The following RANBP2 variants were observed in gnomAD, a reference collection of about 807,000 sequenced individuals.
RANBP2 encodes E3 SUMO-protein ligase RanBP2.
Under a neutral mutation model 303.6 loss-of-function variants are expected in RANBP2, and 57 were observed. That is an observed-to-expected ratio of 0.19 (90% confidence interval 0.15 to 0.23). RANBP2 has a LOEUF of 0.23. RANBP2 is among the 10% of genes least tolerant of loss of function. RANBP2 has a pLI of 1.00. For synonymous variants in RANBP2, 1,167 were observed against 1,301.5 expected (o/e 0.90, Z 2.23); for missense variants, 3,138 against 3,780.8 (o/e 0.83, Z 4.46).
Position 108,764,349 on chromosome 2 carries a change from T to C in RANBP2, c.3810T>C (p.Asp1270=), listed in dbSNP as rs564782813. The change falls in exon 20 of 29, where the codon GAT becomes GAC. Residue 1270 remains aspartate, a synonymous_variant. Coordinates refer to ENST00000283195, the MANE Select transcript of RANBP2 (RefSeq NM_006267.5). The part of the protein sequence containing the change: ...SDRSFVWHAL[D]YADELPKPEQ... The stretch of plus-strand genomic sequence containing the variant: ...GATCTTTTGTATGGCATGCCCTTGA[T>C]TATGCAGATGAGTTGCCAAAACCAG... 10 of 1,613,730 alleles carry C rather than the reference T, an allele frequency of 6.2e-6. No homozygotes were observed. Among genetic ancestry groups the C allele is most frequent in the South Asian group, 1.1e-5 (1 of 91,086 alleles).
chr2:109,632,346 C>T, the RANBP2 span, among the ~76,000 whole-genome samples: 1 of 152,140 alleles, frequency 6.6e-6, no homozygotes, highest in Non-Finnish European at 1.5e-5. Context: ...GCCCTGAGGA[C>T]CCTCTGAGAC....
chr2:108,728,367 C>T (rs1472801172), intron 1 of RANBP2, among the ~76,000 whole-genome samples: 2 of 152,176 alleles, frequency 1.3e-5, no homozygotes, highest in Non-Finnish European at 2.9e-5. Context: ...AGTCATAACT[C>T]ACGGCAGTGT....
chr2:108,730,753 T>C lies in RANBP2; in HGVS notation c.141-21T>C, dbSNP rs373705501. 840 of 1,609,202 alleles carry C rather than the reference T, an allele frequency of 5.2e-4. 15 individuals carry two copies. In the South Asian group the frequency reaches 8.9e-3, roughly 17 times the overall value. ...TACAGTTCTAAGTTTAATTTACTTT[T>C]GTATTACTTTTAAAAAACAGATACA... On this transcript the variant is annotated intron_variant, in intron 2 of 28. Transcript: ENST00000283195.
the RANBP2 span, chr2:108,816,174 G>A: frequency 1.7e-6 from 2 of 1,143,914 alleles, no homozygotes; most frequent in Non-Finnish European, 1.3e-6. Context: ...GCCAGGGCCA[G>A]GCACAGTGGC....
chr2:109,712,684 G>A, the RANBP2 span, among the ~76,000 whole-genome samples: 1 of 152,014 alleles, frequency 6.6e-6, no homozygotes, highest in Non-Finnish European at 1.5e-5. Flanking sequence ...TGCCCACCTC[G>A]GCCTCTCAAA....
At chr2:109,353,762 G>A in the RANBP2 span, among the ~76,000 whole-genome samples, 6 of 152,208 alleles carry the variant, frequency 3.9e-5, no homozygotes, top group Non-Finnish European at 5.9e-5. Context: ...GAGACAAGAC[G>A]AGAGAGTCTC....
At chr2:109,519,817 T>A in the RANBP2 span, among the ~76,000 whole-genome samples, 1 of 152,158 alleles carries the variant, frequency 6.6e-6, no homozygotes, top group Admixed American at 6.6e-5. Flanking sequence ...GTATGTAGCA[T>A]CCCTGAAATT....
the RANBP2 span, among the ~76,000 whole-genome samples, chr2:108,846,087 G>A: frequency 6.6e-6 from 1 of 152,064 alleles, no homozygotes; most frequent in East Asian, 1.9e-4. Flanking sequence ...AGGGACTGAG[G>A]CTCTAGATAA....
the RANBP2 span, among the ~76,000 whole-genome samples, chr2:109,686,460 G>A: frequency 3.3e-5 from 5 of 152,034 alleles, no homozygotes; most frequent in African/African-American, 1.2e-4. Context: ...GATTACAGGC[G>A]CCCGCCACCA....
At chr2:108,747,804 T>C (rs1198410966) in intron 8 of RANBP2, among the ~76,000 whole-genome samples, 2 of 152,206 alleles carry the variant, frequency 1.3e-5, no homozygotes, top group Admixed American at 6.5e-5. Flanking sequence ...TCAATTGAAA[T>C]ATAATTCATA....
the RANBP2 span, among the ~76,000 whole-genome samples, chr2:109,076,185 A>T: frequency 6.7e-6 from 1 of 149,930 alleles, no homozygotes; most frequent in Admixed American, 6.6e-5. Flanking sequence ...ATGAAAGATT[A>T]AAAAAAAATG....
At chr2:108,951,532 T>C in the RANBP2 span, among the ~76,000 whole-genome samples, 1 of 152,252 alleles carries the variant, frequency 6.6e-6, no homozygotes, top group East Asian at 1.9e-4. Context: ...AAAATTTAGA[T>C]GTGTGTTTAA....
chr2:108,963,712 G>T, the RANBP2 span, among the ~76,000 whole-genome samples: 3 of 152,240 alleles, frequency 2.0e-5, no homozygotes, highest in Non-Finnish European at 4.4e-5. Flanking sequence ...GAATGTTGCG[G>T]CCAATTCTGG....
the RANBP2 span, among the ~76,000 whole-genome samples, chr2:109,519,920 G>A: frequency 6.6e-6 from 1 of 152,240 alleles, no homozygotes; most frequent in African/African-American, 2.4e-5. Flanking sequence ...GGCTGCAAAA[G>A]GGTGGACTGA....
At chr2:109,228,321 G>T in the RANBP2 span, among the ~76,000 whole-genome samples, 4 of 152,162 alleles carry the variant, frequency 2.6e-5, no homozygotes, top group African/African-American at 9.7e-5. Flanking sequence ...ATGTGTTGTA[G>T]ACAGCATCTC....
At chr2:108,869,532 T>C in the RANBP2 span, among the ~76,000 whole-genome samples, 2 of 152,070 alleles carry the variant, frequency 1.3e-5, no homozygotes, top group African/African-American at 4.8e-5. Context: ...GTGGGCACCA[T>C]AGCACATGAA....
At chr2:109,365,726 T>G in the RANBP2 span, among the ~76,000 whole-genome samples, 3 of 152,244 alleles carry the variant, frequency 2.0e-5, no homozygotes, top group African/African-American at 7.2e-5. Flanking sequence ...GGAACATTTA[T>G]GTTATTTAGT....
At chr2:109,010,963 C>T in the RANBP2 span, among the ~76,000 whole-genome samples, 1 of 152,152 alleles carries the variant, frequency 6.6e-6, no homozygotes, top group Non-Finnish European at 1.5e-5. Context: ...ACCCACCTTT[C>T]CACTGTACAT....
chr2:109,760,380 C>T, the RANBP2 span: 1 of 267,014 alleles, frequency 3.7e-6, no homozygotes. Flanking sequence ...GGGGGCGGGG[C>T]CGGGGGCCAG....
Sources: gnomAD v4.1 joint callset for allele counts (sites outside exome capture counted in the v4.1 genomes callset) on GRCh38, gnomAD v4.1.1 for gene constraint, MANE v1.5 for transcripts, NCBI Gene and HGNC (gene_info 2026-07-23, HGNC 2026-07-21) for gene names.